PDE7B: variants seen among roughly 807,000 people sequenced by gnomAD.
PDE7B encodes the protein 3',5'-cyclic-AMP phosphodiesterase 7B.
A neutral mutation model predicts 56.2 loss-of-function variants in PDE7B; 29 were observed. That is an observed-to-expected ratio of 0.52 (90% CI 0.38 to 0.70). The LOEUF (loss-of-function observed/expected upper bound fraction) is 0.70. PDE7B is among the 30% of genes least tolerant of loss of function. The pLI is 0.00. For synonymous variants in PDE7B, 197 were observed against 196.9 expected (o/e 1.00, Z 0.00); for missense variants, 490 against 565.0 (o/e 0.87, Z 1.35).
chr6:136,042,635 A>G (rs1394666507), intron 2 of PDE7B, among the ~76,000 whole-genome samples: 1 of 152,230 alleles, frequency 6.6e-6, no homozygotes, highest in African/African-American at 2.4e-5. Flanking sequence ...AATTTTCTTT[A>G]TGCTCAGACC....
chr6:135,943,827 A>T lies in PDE7B; in HGVS notation c.22-3637A>T, dbSNP rs140704742. Among the ~76,000 whole-genome samples the T allele has an allele frequency of 4.3e-3, 657 of 152,320 alleles. 7 individuals are homozygous for T. Among genetic ancestry groups the T allele is most frequent in the African/African-American group, 0.015 (641 of 41,582 alleles). On this transcript the variant is annotated intron_variant, in intron 1 of 12. Transcript: ENST00000308191. ...AACAATGGACATAGTTTGACTCTTT[A>T]TGGTCTCTGAGGGCAACAATGGACA...
chr6:135,926,410 G>C (rs1196663019), intron 1 of PDE7B, among the ~76,000 whole-genome samples: 3 of 151,964 alleles, frequency 2.0e-5, no homozygotes, highest in Non-Finnish European at 4.4e-5. Flanking sequence ...TTTATGAAAG[G>C]CTTGAGGAAG....
intron 1 of PDE7B, among the ~76,000 whole-genome samples, chr6:135,900,301 ACTT>A (rs1443279671): frequency 6.6e-6 from 1 of 151,916 alleles, no homozygotes; most frequent in Non-Finnish European, 1.5e-5. Context: ...AAATAGGTGT[ACTT>A]CTTTAGGAAT....
At chr6:136,080,296 C>T (rs1278505239) in intron 2 of PDE7B, among the ~76,000 whole-genome samples, 1 of 152,180 alleles carries the variant, frequency 6.6e-6, no homozygotes, top group East Asian at 1.9e-4. Context: ...TCACACAAGT[C>T]CCCTACCCCC....
chr6:136,170,965 C>G (rs941747265), intron 8 of PDE7B, among the ~76,000 whole-genome samples: 1 of 152,164 alleles, frequency 6.6e-6, no homozygotes, highest in Non-Finnish European at 1.5e-5. Context: ...AGGGGACATT[C>G]AAACCATAGC....
At chr6:136,110,120 T>C (rs893762489) in intron 3 of PDE7B, among the ~76,000 whole-genome samples, 2 of 152,166 alleles carry the variant, frequency 1.3e-5, no homozygotes. Flanking sequence ...GTCTGTTTTT[T>C]TTAGCACTTT....
In PDE7B at chr6:136,172,759, T is replaced by C. The variant is rs547570430; in HGVS notation, c.712-1038T>C. Among the ~76,000 whole-genome samples, 3 of 152,306 alleles carry C rather than the reference T, an allele frequency of 2.0e-5. No homozygotes were observed. In the East Asian group the frequency reaches 5.8e-4, roughly 29 times the overall value. On this transcript the variant is annotated intron_variant, in intron 8 of 12. Coordinates refer to ENST00000308191, the MANE Select transcript of PDE7B (RefSeq NM_018945.4). ...CCTAGGTTTTCTTCTAGGGTTTTTA[T>C]GGTTTTAGGTCTAACGTTTAAGTCT...
At chr6:136,175,580 A>G (rs1425493003) in intron 9 of PDE7B, among the ~76,000 whole-genome samples, 3 of 152,172 alleles carry the variant, frequency 2.0e-5, no homozygotes, top group Admixed American at 1.3e-4. Context: ...TTAACAAAAT[A>G]TGATTATATT....
intron 2 of PDE7B, among the ~76,000 whole-genome samples, chr6:136,082,786 G>C (rs1777227412): frequency 6.6e-6 from 1 of 152,270 alleles, no homozygotes. Flanking sequence ...AATGAAGTGA[G>C]AGCAATGGGA....
At position 135,919,351 on chromosome 6, in the gene PDE7B, C is replaced by T. The variant is rs187733145; in HGVS notation, c.22-28113C>T. Among the ~76,000 whole-genome samples the T allele has an allele frequency of 5.3e-5, 8 of 152,280 alleles. No homozygotes were observed. In the East Asian group the frequency reaches 7.7e-4, roughly 15 times the overall value. On this transcript the variant is annotated intron_variant, in intron 1 of 12. Transcript: ENST00000308191. ...GAACCAGTCTTCCAGATGTTACCAA[C>T]GTGACTCTGTGGCTTATTATGACTT...
intron 5 of PDE7B, 105 bp from the exon 6 acceptor site, chr6:136,151,055 A>C (rs538926790): frequency 8.1e-5 from 51 of 625,774 alleles, no homozygotes; most frequent in South Asian, 5.1e-4. Context: ...GGGAAAAAAT[A>C]TTCTATCACA....
intron 1 of PDE7B, among the ~76,000 whole-genome samples, chr6:135,938,266 G>A (rs1045802133): frequency 1.3e-5 from 2 of 152,172 alleles, no homozygotes; most frequent in Admixed American, 1.3e-4. Flanking sequence ...AAATGTGTTT[G>A]GCTTTAGTTG....
chr6:135,852,276 A>G (rs1774956355), intron 1 of PDE7B, among the ~76,000 whole-genome samples: 1 of 151,942 alleles, frequency 6.6e-6, no homozygotes, highest in African/African-American at 2.4e-5. Context: ...CGGCATTTTC[A>G]CTGCACTTTG....
Position 136,117,782 on chromosome 6 carries a change from C to A in PDE7B, c.166+8968C>A, listed in dbSNP as rs868060579. On this transcript the variant is annotated intron_variant, in intron 3 of 12. Coordinates refer to ENST00000308191, the MANE Select transcript of PDE7B (RefSeq NM_018945.4). ...TAGGTCTCTTGGAAGCCTGGAAGCA[C>A]AGGAGGATTGCTGTGAATACTAAAA... 5.3e-5 allele frequency among the ~76,000 whole-genome samples: 8 copies of A among 152,274 alleles called. No individual in the cohort carries two copies. In the Middle Eastern group the frequency reaches 0.01, roughly 194 times the overall value.
At chr6:136,183,595 C>CAAAAAA (rs59123124) in intron 11 of PDE7B, among the ~76,000 whole-genome samples, 2 of 66,018 alleles carry the variant, frequency 3.0e-5, no homozygotes, top group Non-Finnish European at 8.0e-5. Flanking sequence ...GACTCTGTCT[C>CAAAAAA]AAAAAAAAAA....
rs559399553 is a variant in PDE7B, at chr6:136,142,662, T to G, written c.167-4689T>G. On this transcript the variant is annotated intron_variant, in intron 3 of 12. Transcript: ENST00000308191. ...GTATTGGGTGCATATATATTTAGGA[T>G]AGTTAGCTCTTCTTGTTGAATTGAT... Among the ~76,000 whole-genome samples, 24 of 152,326 alleles carry G rather than the reference T, an allele frequency of 1.6e-4. No homozygotes were observed. The East Asian group carries it at 2.1e-3, about 13-fold the overall frequency.
chr6:135,980,721 A>G (rs1270939567), intron 2 of PDE7B, among the ~76,000 whole-genome samples: 14 of 149,028 alleles, frequency 9.4e-5, no homozygotes, highest in Admixed American at 9.4e-4. Flanking sequence ...ATGCAAATCA[A>G]AACCACAATG....
chr6:136,149,267 C>A, intron 5 of PDE7B, 117 bp downstream of exon 5: 1 of 710,982 alleles, frequency 1.4e-6, no homozygotes, highest in Non-Finnish European at 2.5e-6. Context: ...TCCCCATTTT[C>A]ATAAACCTAC....
chr6:136,181,619 G>A (rs1011520061), intron 11 of PDE7B, among the ~76,000 whole-genome samples: 13 of 152,234 alleles, frequency 8.5e-5, no homozygotes, highest in Admixed American at 2.0e-4. Flanking sequence ...ATATAAGAAT[G>A]TGTGGGATAG....
Sources: gnomAD v4.1 joint callset for allele counts (sites outside exome capture counted in the v4.1 genomes callset) on GRCh38, gnomAD v4.1.1 for gene constraint, MANE v1.5 for transcripts, NCBI Gene and HGNC (gene_info 2026-07-23, HGNC 2026-07-21) for gene names.